Variants in CACNA1E observed in about 807,000 individuals in gnomAD.
CACNA1E encodes the protein calcium voltage-gated channel subunit alpha1 E.
A neutral mutation model predicts 259.2 loss-of-function variants in CACNA1E; 40 were observed. The observed-to-expected ratio is 0.15, with a 90% CI of 0.12 to 0.20. CACNA1E has a LOEUF of 0.20. Ranked by LOEUF, CACNA1E falls within the 10% of genes least tolerant of loss-of-function variation. The pLI is 1.00. For missense variants in CACNA1E, 1,874 were observed against 3,040.1 expected (o/e 0.62, Z 9.02); for synonymous variants, 1,104 against 1,138.5 (o/e 0.97, Z 0.61).
chr1:181,773,841 C>T (rs1265514748), intron 37 of CACNA1E, among the ~76,000 whole-genome samples: 2 of 152,182 alleles, frequency 1.3e-5, no homozygotes, highest in Non-Finnish European at 2.9e-5. Flanking sequence ...AATTAGGGAC[C>T]TTAAAGGTAC....
intron 6 of CACNA1E, among the ~76,000 whole-genome samples, chr1:181,638,029 T>C (rs1657397875): frequency 6.6e-6 from 1 of 152,080 alleles, no homozygotes; most frequent in Non-Finnish European, 1.5e-5. Flanking sequence ...TGGTAGGGGA[T>C]TGGCATGGGC....
At chr1:181,380,026 T>C (rs964229202) in intron 1 of CACNA1E, among the ~76,000 whole-genome samples, 15 of 147,966 alleles carry the variant, frequency 1.0e-4, no homozygotes, top group African/African-American at 3.4e-4. Flanking sequence ...TATATTTAAA[T>C]ATAATATGTA....
intron 8 of CACNA1E, among the ~76,000 whole-genome samples, chr1:181,712,844 A>T (rs1558295267): frequency 6.6e-6 from 1 of 152,018 alleles, no homozygotes; most frequent in Non-Finnish European, 1.5e-5. Flanking sequence ...CCCAGGAAGG[A>T]GCCCGCCCAG....
At position 181,651,382 on chromosome 1, in the gene CACNA1E, C is replaced by T. The variant is rs754054442; in HGVS notation, c.996C>T (p.Ile332=). 5.0e-6 allele frequency: 8 copies of T among 1,601,752 alleles called. No homozygotes were observed. The South Asian group carries it at 6.6e-5, about 13-fold the overall frequency. Residue 332 remains isoleucine (I), a synonymous_variant, in exon 7 of 48, where the codon ATC becomes ATT. Coordinates refer to ENST00000367573, the MANE Select transcript of CACNA1E (RefSeq NM_001205293.3). ...CCACCTGGAATTGGCTGTACTTCAT[C>T]CCCCTCATCATCATTGGATCCTTCT... The part of the protein sequence containing the change: ...LGATWNWLYF[I]PLIIIGSFFV...
In CACNA1E at chr1:181,686,283, T is replaced by TTTTG. The variant is rs1553321330; in HGVS notation, c.1056-24668_1056-24667insGTTT. Reference sequence around the variant, plus strand: ...AGGCCAGTAAGAACCAAGTTTTTTTTTTTTTTTTTTTTTTTTTTTTGAGAT... The same window carrying TTTTG: ...AGGCCAGTAAGAACCAAGTTTTTTTTTTTGTTTTTTTTTTTTTTTTTTTTGAGAT... On this transcript the variant is annotated intron_variant, in intron 7 of 47. Transcript: ENST00000367573. Among the ~76,000 whole-genome samples the TTTTG allele has an allele frequency of 4.6e-4, 57 of 122,780 alleles. 1 individual carries two copies. The highest frequency in any genetic ancestry group is 4.2e-3 in the Middle Eastern group (1 of 238). The allele number at this position is 122,780 out of a possible 152,430, so 80.5% of individuals were successfully genotyped here.
At chr1:181,402,121 A>G (rs978493332) in intron 1 of CACNA1E, among the ~76,000 whole-genome samples, 1 of 152,244 alleles carries the variant, frequency 6.6e-6, no homozygotes, top group African/African-American at 2.4e-5. Context: ...AAGGTATACT[A>G]ATTTTTATAA....
At chr1:181,678,391 G>A (rs977003206) in intron 7 of CACNA1E, among the ~76,000 whole-genome samples, 2 of 152,156 alleles carry the variant, frequency 1.3e-5, no homozygotes, top group African/African-American at 4.8e-5. Flanking sequence ...CACCTGAAAA[G>A]GCACCACTGT....
intron 35 of CACNA1E, among the ~76,000 whole-genome samples, chr1:181,767,414 C>T (rs1446052067): frequency 6.6e-6 from 1 of 152,168 alleles, no homozygotes; most frequent in Non-Finnish European, 1.5e-5. Flanking sequence ...AGAGGGCTAA[C>T]TTTCTGACTT....
chr1:181,772,331 G>A (rs1380960498), intron 37 of CACNA1E, 100 bp downstream of exon 37: 2 of 1,225,114 alleles, frequency 1.6e-6, no homozygotes, highest in Non-Finnish European at 2.3e-6. Context: ...GTGTATGTTT[G>A]TGCCTCCCTC....
At chr1:181,390,541 T>C (rs1321474683) in intron 1 of CACNA1E, among the ~76,000 whole-genome samples, 1 of 151,988 alleles carries the variant, frequency 6.6e-6, no homozygotes, top group Non-Finnish European at 1.5e-5. Flanking sequence ...TGCCCGTAAG[T>C]AGGAGAGTGT....
chr1:181,425,081 T>G (rs554768405), intron 2 of CACNA1E, among the ~76,000 whole-genome samples: 5 of 152,332 alleles, frequency 3.3e-5, no homozygotes, highest in Non-Finnish European at 5.9e-5. Context: ...GTTTTCCCTC[T>G]TTTTCAGAAG....
intron 3 of CACNA1E, among the ~76,000 whole-genome samples, chr1:181,546,665 G>C (rs926681316): frequency 3.3e-5 from 5 of 152,092 alleles, no homozygotes; most frequent in African/African-American, 1.2e-4. Flanking sequence ...CAGCTGCTGC[G>C]GTGATAAACA....
intron 46 of CACNA1E, 46 bp downstream of exon 46, chr1:181,795,090 C>G (rs774298380): frequency 6.6e-6 from 10 of 1,514,378 alleles, no homozygotes; most frequent in Non-Finnish European, 9.1e-6. Flanking sequence ...GCAGTGGGCT[C>G]CTGCCCTGAT....
chr1:181,327,811 C>T (rs1346249116), intron 1 of CACNA1E, among the ~76,000 whole-genome samples: 1 of 152,220 alleles, frequency 6.6e-6, no homozygotes, highest in East Asian at 1.9e-4. Flanking sequence ...TAATAAATCA[C>T]CTCCGATCTC....
chr1:181,600,043 G>C (rs1653586227), intron 6 of CACNA1E, among the ~76,000 whole-genome samples: 1 of 152,238 alleles, frequency 6.6e-6, no homozygotes, highest in Non-Finnish European at 1.5e-5. Flanking sequence ...GGAAGGGGCA[G>C]AGAGTGTTGC....
chr1:181,593,166 C>T (rs1053217937), intron 6 of CACNA1E, among the ~76,000 whole-genome samples: 30 of 152,146 alleles, frequency 2.0e-4, no homozygotes, highest in Admixed American at 2.0e-3. Context: ...TCAGCCCTCA[C>T]TATATGAGTG....
intron 3 of CACNA1E, among the ~76,000 whole-genome samples, chr1:181,546,201 G>A (rs150293510): frequency 2.0e-5 from 3 of 152,268 alleles, no homozygotes; most frequent in Non-Finnish European, 2.9e-5. Context: ...GCCTGGCAGC[G>A]TGTGCCATCC....
chr1:181,521,941 G>T (rs1033457797), intron 3 of CACNA1E, among the ~76,000 whole-genome samples: 1 of 152,134 alleles, frequency 6.6e-6, no homozygotes, highest in Non-Finnish European at 1.5e-5. Flanking sequence ...TCTAAGAGGG[G>T]TTGGAAAGTA....
At chr1:181,463,088 G>A (rs1661928002) in intron 2 of CACNA1E, among the ~76,000 whole-genome samples, 1 of 151,960 alleles carries the variant, frequency 6.6e-6, no homozygotes, top group African/African-American at 2.4e-5. Context: ...TATCTGCAGG[G>A]GATAAGACCC....
Sources: gnomAD v4.1 joint callset for allele counts (sites outside exome capture counted in the v4.1 genomes callset) on GRCh38, gnomAD v4.1.1 for gene constraint, MANE v1.5 for transcripts, NCBI Gene and HGNC (gene_info 2026-07-23, HGNC 2026-07-21) for gene names.